TNR: variants seen among roughly 807,000 people sequenced by gnomAD.
TNR encodes tenascin R.
In TNR, 45 loss-of-function variants were observed where a neutral mutation model predicts 150.4. The ratio of observed to expected loss-of-function variants is 0.30; its 90% confidence interval spans 0.24 to 0.38. TNR has a LOEUF of 0.38. Ranked by LOEUF, TNR falls within the 10% of genes least tolerant of loss-of-function variation. TNR has a pLI of 1.00. For missense variants in TNR, 1,544 were observed against 1,759.1 expected, an observed-to-expected ratio of 0.88 and a Z score of 2.19; for synonymous variants, 687 against 678.4, an observed-to-expected ratio of 1.01 and a Z score of -0.20.
intron 1 of TNR, among the ~76,000 whole-genome samples, chr1:175,726,783 T>A (rs1161788837): frequency 6.6e-6 from 1 of 152,242 alleles, no homozygotes. Flanking sequence ...AAATATTATT[T>A]TTTCAAAAAA....
chr1:175,545,048 TC>T (rs903196027), intron 1 of TNR, among the ~76,000 whole-genome samples: 11 of 152,150 alleles, frequency 7.2e-5, no homozygotes, highest in African/African-American at 2.7e-4. Flanking sequence ...TATCTAACCC[TC>T]AGCTGATGTA....
At chr1:175,397,339 G>A (rs185398847) in intron 4 of TNR, among the ~76,000 whole-genome samples, 2 of 152,180 alleles carry the variant, frequency 1.3e-5, no homozygotes, top group Non-Finnish European at 2.9e-5. Context: ...ATTGGCCATG[G>A]AGAGAGTATT....
chr1:175,361,492 G>A lies in TNR; in HGVS notation c.2854+1171C>T, dbSNP rs551417141. Among the ~76,000 whole-genome samples the A allele has an allele frequency of 3.5e-4, 54 of 152,298 alleles. 1 individual carries two copies. The South Asian group carries it at 0.011, about 30-fold the overall frequency. ...GTTATCTGTTGTCATAAGCCTGGAA[G>A]GAGACTAGGGAGGATCAGAATATCC... On this transcript the variant is annotated intron_variant, in intron 14 of 22. Transcript: ENST00000367674.
At chr1:175,354,652 C>T in intron 17 of TNR, 129 bp from the exon 18 acceptor site, 1 of 1,217,606 alleles carries the variant, frequency 8.2e-7, no homozygotes, top group Non-Finnish European at 1.2e-6. Flanking sequence ...TCATCCTCTC[C>T]ATCCCACAAT....
chr1:175,323,497 C>A lies in TNR; in HGVS notation c.3958-21G>T, dbSNP rs150154842. The A allele has an allele frequency of 6.1e-3, 9,879 of 1,611,698 alleles. 903 individuals carry two copies. The Admixed American group carries it at 0.16, about 26-fold the overall frequency. On this transcript the variant is annotated intron_variant, in intron 22 of 22. Coordinates refer to ENST00000367674, the MANE Select transcript of TNR (RefSeq NM_003285.3). ...ATGCCCTGGGCGTGAGAAAGATAAG[C>A]ATGTCAGGTCATCCCCCACCATGGA...
chr1:175,699,658 G>A (rs1001826284), intron 1 of TNR, among the ~76,000 whole-genome samples: 1 of 152,124 alleles, frequency 6.6e-6, no homozygotes, highest in Non-Finnish European at 1.5e-5. Flanking sequence ...TTGTTGGAGT[G>A]GGGATACAGA....
intron 1 of TNR, among the ~76,000 whole-genome samples, chr1:175,572,257 T>C (rs1661905475): frequency 6.6e-6 from 1 of 152,236 alleles, no homozygotes; most frequent in Admixed American, 6.5e-5. Context: ...TGCTCATTCA[T>C]TCATTCAACA....
chr1:175,595,367 G>A (rs1253983990), intron 1 of TNR, among the ~76,000 whole-genome samples: 1 of 152,108 alleles, frequency 6.6e-6, no homozygotes, highest in Non-Finnish European at 1.5e-5. Flanking sequence ...TACTAAAGGA[G>A]CCTTTCACAT....
chr1:175,353,400 T>C (rs1651157819), intron 18 of TNR, among the ~76,000 whole-genome samples: 1 of 152,236 alleles, frequency 6.6e-6, no homozygotes, highest in Non-Finnish European at 1.5e-5. Flanking sequence ...AGTCAGATAT[T>C]AGGTTATTTC....
intron 1 of TNR, among the ~76,000 whole-genome samples, chr1:175,586,908 G>T (rs1662598446): frequency 6.6e-6 from 1 of 152,200 alleles, no homozygotes; most frequent in African/African-American, 2.4e-5. Context: ...GGGCATGTCA[G>T]CTCTTTCCTT....
At chr1:175,349,618 C>G (rs1650960440) in intron 18 of TNR, among the ~76,000 whole-genome samples, 1 of 152,042 alleles carries the variant, frequency 6.6e-6, no homozygotes, top group South Asian at 2.1e-4. Flanking sequence ...CAAATGCCTG[C>G]CTATGGAAGG....
chr1:175,372,094 C>G (rs1463914394), intron 9 of TNR, among the ~76,000 whole-genome samples: 1 of 152,240 alleles, frequency 6.6e-6, no homozygotes, highest in African/African-American at 2.4e-5. Context: ...GTGGCACCTC[C>G]CCCCAACCCT....
intron 8 of TNR, among the ~76,000 whole-genome samples, chr1:175,381,227 G>A (rs544635110): frequency 1.3e-5 from 2 of 152,344 alleles, no homozygotes; most frequent in African/African-American, 4.8e-5. Flanking sequence ...TTTCATGCAT[G>A]AGGAGAAGCT....
At chr1:175,633,771 G>A (rs1002542937) in intron 1 of TNR, among the ~76,000 whole-genome samples, 2 of 152,104 alleles carry the variant, frequency 1.3e-5, no homozygotes, top group African/African-American at 2.4e-5. Context: ...GCTCCAATCC[G>A]CTGACATTTT....
At position 175,315,819 on chromosome 1, in the gene TNR, T is replaced by C. The variant is rs1440913453; in HGVS notation, c.*7538A>G. The C allele has an allele frequency of 1.4e-5, 2 of 144,506 alleles. No individual in the cohort carries two copies. Among genetic ancestry groups the C allele is most frequent in the Non-Finnish European group, 3.0e-5 (2 of 67,656 alleles). The allele number at this position is 144,506 out of a possible 1,614,324, so 9.0% of individuals were successfully genotyped here. A position where few individuals can be genotyped will look rare whatever the true frequency, so the allele number is the denominator to read the frequency against. ...ATGCATGTGTGTGTGTGCATGTGTG[T>C]GTGTGTGTGTGTGTGTGTGTGTGTG... On this transcript the variant is annotated 3_prime_UTR_variant, in exon 23 of 23. Transcript: ENST00000367674.
At chr1:175,583,735 C>T (rs1005886016) in intron 1 of TNR, among the ~76,000 whole-genome samples, 16 of 152,226 alleles carry the variant, frequency 1.1e-4, no homozygotes, top group Non-Finnish European at 2.9e-5. Context: ...TGTCCTCTGA[C>T]TGTACATGGG....
At chr1:175,741,277 G>A (rs1443628570) in intron 1 of TNR, among the ~76,000 whole-genome samples, 3 of 152,196 alleles carry the variant, frequency 2.0e-5, no homozygotes, top group South Asian at 2.1e-4. Context: ...CCCACTTTAA[G>A]CGTCTGTGTC....
At chr1:175,485,088 G>T (rs936185273) in intron 2 of TNR, among the ~76,000 whole-genome samples, 1 of 152,150 alleles carries the variant, frequency 6.6e-6, no homozygotes, top group Non-Finnish European at 1.5e-5. Context: ...CTTCACTGAA[G>T]GATACAGAGT....
At chr1:175,693,196 C>T (rs1370237948) in intron 1 of TNR, among the ~76,000 whole-genome samples, 1 of 152,228 alleles carries the variant, frequency 6.6e-6, no homozygotes, top group Admixed American at 6.5e-5. Context: ...ACAATCCCAG[C>T]TTGCTCTCTG....
Sources: gnomAD v4.1 joint callset for allele counts (sites outside exome capture counted in the v4.1 genomes callset) on GRCh38, gnomAD v4.1.1 for gene constraint, MANE v1.5 for transcripts, NCBI Gene and HGNC (gene_info 2026-07-23, HGNC 2026-07-21) for gene names.